NOD2: variants seen among roughly 807,000 people sequenced by gnomAD.
NOD2 encodes nucleotide binding oligomerization domain containing 2.
In NOD2, 86 loss-of-function variants were observed where a neutral mutation model predicts 90.9. The observed-to-expected ratio is 0.95, with a 90% CI of 0.79 to 1.13. The LOEUF (loss-of-function observed/expected upper bound fraction) is 1.13. Ranked by LOEUF, NOD2 falls within the 50% of genes most tolerant of loss-of-function variation. The pLI is 0.00. For synonymous variants in NOD2, 581 were observed against 554.6 expected, an observed-to-expected ratio of 1.05 and a Z score of -0.67; for missense variants, 1,238 against 1,283.8, an observed-to-expected ratio of 0.96 and a Z score of 0.55.
In NOD2 at chr16:50,707,937, T is replaced by G. The variant is rs1434276044; in HGVS notation, c.542T>G (p.Val181Gly). 19 of 1,613,304 alleles carry G rather than the reference T, an allele frequency of 1.2e-5. No individual in the cohort carries two copies. Among genetic ancestry groups the G allele is most frequent in the Non-Finnish European group, 1.5e-5 (18 of 1,179,370 alleles). Residue 181 changes from valine to glycine, a missense_variant, in exon 3 of 12, where the codon GTC (valine) becomes GGC (glycine). Val to Gly is a moderately radical substitution (Grantham distance 109, BLOSUM62 -3). Around this residue, in one of 3 missense-constraint regions of NOD2, gnomAD observed 567 missense variants for 577.3 expected, o/e 0.98. Coordinates refer to ENST00000647318, the MANE Select transcript of NOD2 (RefSeq NM_001370466.1). ...FLLQHVQELP[V>G]PLALPLEAAT... is the part of the protein sequence containing the mutation. ...CTACAACATGTTCAGGAATTACCAGTCCCATTGGCCCTGCCTTTGGAAGGT... is the reference window on the plus strand; with the variant it reads ...CTACAACATGTTCAGGAATTACCAGGCCCATTGGCCCTGCCTTTGGAAGGT...
At chr16:50,701,906 T>C (rs571996324) in intron 2 of NOD2, among the ~76,000 whole-genome samples, 11 of 152,340 alleles carry the variant, frequency 7.2e-5, no homozygotes, top group African/African-American at 2.6e-4. Context: ...CTTAGGTGCC[T>C]AGATTAGGAA....
At chr16:50,698,003 CA>C (rs1471223534) in intron 1 of NOD2, 1 of 154,038 alleles carries the variant, frequency 6.5e-6, no homozygotes, top group Non-Finnish European at 1.4e-5. Flanking sequence ...GTGGCCCAGG[CA>C]GGGAGAGAGA....
chr16:50,727,699 T>C, intron 10 of NOD2: 1 of 368,528 alleles, frequency 2.7e-6, no homozygotes, highest in Non-Finnish European at 5.5e-6. Flanking sequence ...TTTGAAGCTT[T>C]GGTTGTGTGA....
chr16:50,699,567 A>T lies in NOD2; in HGVS notation c.72A>T (p.Glu24Asp). Residue 24 changes from glutamate to aspartate, a missense_variant, in exon 2 of 12, where the codon GAA becomes GAT. By Grantham distance (45) the Glu-to-Asp change is conservative (BLOSUM62 2). Coordinates refer to ENST00000647318, the MANE Select transcript of NOD2 (RefSeq NM_001370466.1). ...AGCTGCTGGTCTCAGGGTCCCTGGA[A>T]GGCTTCGAGAGTGTCCTGGACTGGC... ...LVELLVSGSL[E>D]GFESVLDWLL... The T allele has an allele frequency of 6.2e-7, 1 of 1,614,054 alleles. No homozygotes were observed. The highest frequency in any genetic ancestry group is 8.5e-7 in the Non-Finnish European group (1 of 1,179,972).
chr16:50,732,632 A>G lies in NOD2; in HGVS notation c.*813A>G, dbSNP rs1220908263. 1 of 152,360 alleles carries G rather than the reference A, an allele frequency of 6.6e-6. No homozygotes were observed. Among genetic ancestry groups the G allele is most frequent in the Non-Finnish European group, 1.5e-5 (1 of 68,042 alleles). 9.4% of individuals were successfully genotyped at this position (152,360 alleles called of 1,614,324 possible). A position where few individuals can be genotyped will look rare whatever the true frequency, so the allele number is the denominator to read the frequency against. ...CAGTTAAGCCTTTGGAAACAGCTCG[A>G]CTTTAAAAAGCTCCAAATGCAGCTT... On this transcript the variant is annotated 3_prime_UTR_variant, in exon 12 of 12. Transcript: ENST00000647318.
At chr16:50,697,145 A>C in intron 1 of NOD2, 1 of 1,064,376 alleles carries the variant, frequency 9.4e-7, no homozygotes, top group Non-Finnish European at 1.4e-6. Flanking sequence ...GTTGGTAGAC[A>C]GATCCAGGCT....
At chr16:50,728,645 G>A (rs775256142) in intron 10 of NOD2, among the ~76,000 whole-genome samples, 3 of 152,158 alleles carry the variant, frequency 2.0e-5, no homozygotes, top group Non-Finnish European at 2.9e-5. Context: ...AATAAATACT[G>A]GCAATTACAA....
chr16:50,717,491 C>T (rs550040536), intron 6 of NOD2, among the ~76,000 whole-genome samples: 40 of 152,332 alleles, frequency 2.6e-4, no homozygotes, highest in Non-Finnish European at 4.6e-4. Flanking sequence ...CTTTAAATTG[C>T]CCCTCTAGCT....
rs1015817254 is a variant in NOD2, at chr16:50,711,833, C to T, written c.1841C>T (p.Ala614Val). The change falls in exon 4 of 12, where the codon GCC (alanine) becomes GTC (valine). Residue 614 changes from alanine to valine, a missense_variant. This residue lies in a region of NOD2 where 667 missense variants were observed against 688.7 expected (regional missense o/e 0.97). Coordinates refer to ENST00000647318, the MANE Select transcript of NOD2 (RefSeq NM_001370466.1). ...NCGRPGNSPM[A>V]RLLPTMCIQA... ...GGCAGGCCAGGCAACTCACCAATGG[C>T]CAGGCTCCTGCCCACGATGTGCATC... is the stretch of plus-strand genomic sequence containing the variant. 5 of 1,613,816 alleles carry T rather than the reference C, an allele frequency of 3.1e-6. No individual in the cohort carries two copies. The highest frequency in any genetic ancestry group is 1.7e-4 in the Middle Eastern group (1 of 6,058).
At position 50,697,218 on chromosome 16, in the gene NOD2, C is replaced by T. The variant is rs561366535; in HGVS notation, c.-8-2270C>T. ...CAAGGCCTACCCGCAGATGCCATGC[C>T]TGCTCCCCCAGCCTAATGGGCTTTG... On this transcript the variant is annotated intron_variant, in intron 1 of 11. Coordinates refer to ENST00000647318, the MANE Select transcript of NOD2 (RefSeq NM_001370466.1). The T allele has an allele frequency of 3.2e-6, 5 of 1,549,878 alleles. No individual in the cohort carries two copies. In the South Asian group the frequency reaches 6.0e-5, roughly 18 times the overall value.
chr16:50,699,836 T>C lies in NOD2; in HGVS notation c.341T>C (p.Ile114Thr). ...GACCTGCAGAGTCACCGGCCAGCCATTGTCAGGAGGCTCCACAGCCATGTG... is the reference window on the plus strand; with the variant it reads ...GACCTGCAGAGTCACCGGCCAGCCACTGTCAGGAGGCTCCACAGCCATGTG... ...ARDLQSHRPAIVRRLHSHVEN... is the reference protein window; with the variant it reads ...ARDLQSHRPATVRRLHSHVEN... The change falls in exon 2 of 12, where the codon ATT (isoleucine) becomes ACT (threonine). Residue 114 changes from isoleucine to threonine, a missense_variant. By Grantham distance (89) the Ile-to-Thr change is moderately conservative. This residue lies in a region of NOD2 where 567 missense variants were observed against 577.3 expected (regional missense o/e 0.98). Coordinates refer to ENST00000647318, the MANE Select transcript of NOD2 (RefSeq NM_001370466.1). 6.2e-7 allele frequency: 1 copy of C among 1,613,520 alleles called. No individual in the cohort carries two copies.
intron 3 of NOD2, among the ~76,000 whole-genome samples, chr16:50,710,225 G>A (rs1328695747): frequency 3.3e-5 from 5 of 152,196 alleles, no homozygotes; most frequent in Admixed American, 6.5e-5. Context: ...TAATGATAAC[G>A]GCAGTCACTG....
chr16:50,723,660 A>T (rs971693440), intron 9 of NOD2, among the ~76,000 whole-genome samples: 1 of 152,206 alleles, frequency 6.6e-6, no homozygotes, highest in Non-Finnish European at 1.5e-5. Context: ...CAGACTCTGT[A>T]ATCAAGCAGG....
At chr16:50,701,308 A>G (rs1003831589) in intron 2 of NOD2, among the ~76,000 whole-genome samples, 1 of 152,270 alleles carries the variant, frequency 6.6e-6, no homozygotes, top group Admixed American at 6.5e-5. Context: ...TTGAATTAGA[A>G]TGACACTGCA....
At chr16:50,705,424 C>A (rs1486831626) in intron 2 of NOD2, among the ~76,000 whole-genome samples, 1 of 152,110 alleles carries the variant, frequency 6.6e-6, no homozygotes, top group Non-Finnish European at 1.5e-5. Flanking sequence ...GGTTTTCTTT[C>A]TCAAGATTGA....
At chr16:50,717,963 A>G (rs1271994694) in intron 6 of NOD2, among the ~76,000 whole-genome samples, 1 of 152,216 alleles carries the variant, frequency 6.6e-6, no homozygotes, top group African/African-American at 2.4e-5. Context: ...TGCTTTTCCC[A>G]ATACCTACAC....
chr16:50,712,441 G>A (rs572101946), intron 4 of NOD2, 68 bp downstream of exon 4: 15 of 1,597,870 alleles, frequency 9.4e-6, no homozygotes, highest in East Asian at 4.5e-5. Flanking sequence ...TGGGAGCACC[G>A]AGCTGGGCTC....
At position 50,711,898 on chromosome 16, in the gene NOD2, C is replaced by T. The variant is rs762922997; in HGVS notation, c.1906C>T (p.Leu636=). 4 of 1,608,282 alleles carry T rather than the reference C, an allele frequency of 2.5e-6. No homozygotes were observed. The highest frequency in any genetic ancestry group is 1.1e-5 in the South Asian group (1 of 90,868). ...AAAGGACAGCAGCGTGGCAGCTTTG[C>T]TGCAGAAGGCCGAGCCGCACAACCT... ...EGKDSSVAAL[L]QKAEPHNLQI... Residue 636 remains leucine (L), a synonymous_variant, in exon 4 of 12, where the codon CTG becomes TTG. Coordinates refer to ENST00000647318, the MANE Select transcript of NOD2 (RefSeq NM_001370466.1).
At position 50,725,356 on chromosome 16, in the gene NOD2, AC is replaced by A. The variant is rs138198313; in HGVS notation, c.2802-132del. The A allele has an allele frequency of 0.36, 256,236 of 719,322 alleles. 49,084 individuals carry two copies. Among genetic ancestry groups the A allele is most frequent in the Non-Finnish European group, 0.4 (160,093 of 397,180 alleles). 44.6% of individuals were successfully genotyped at this position (719,322 alleles called of 1,614,324 possible). A position where few individuals can be genotyped will look rare whatever the true frequency, so the allele number is the denominator to read the frequency against. On this transcript the variant is annotated intron_variant, in intron 9 of 11. Transcript: ENST00000647318. Reference sequence around the variant, plus strand: ...CTGGAATTGAGAATCCCCACAACGTACTTTATCTGTTCTTTCTTTATCCATG... The same window carrying A: ...CTGGAATTGAGAATCCCCACAACGTATTTATCTGTTCTTTCTTTATCCATG...
Sources: gnomAD v4.1 joint callset for allele counts (sites outside exome capture counted in the v4.1 genomes callset) on GRCh38, gnomAD v4.1.1 for gene constraint, gnomAD v4.1.1 regional missense constraint, MANE v1.5 for transcripts, NCBI Gene and HGNC (gene_info 2026-07-23, HGNC 2026-07-21) for gene names.